The following ATP10B variants were observed in gnomAD, a reference collection of about 807,000 sequenced individuals.
The protein encoded by ATP10B is ATPase phospholipid transporting 10B (putative).
In ATP10B, 122 loss-of-function variants were observed where a neutral mutation model predicts 141.2. That is an observed-to-expected ratio of 0.86 (90% CI 0.75 to 1.00). ATP10B has a LOEUF of 1.00. ATP10B is among the 50% of genes least tolerant of loss of function. The probability of loss-of-function intolerance (pLI) is 0.00; values close to 1 mark genes in which losing one functional copy is unlikely to be tolerated. For missense variants in ATP10B, 1,876 were observed against 1,825.3 expected (o/e 1.03, Z -0.51); for synonymous variants, 685 against 692.0 (o/e 0.99, Z 0.16).
intron 7 of ATP10B, among the ~76,000 whole-genome samples, chr5:160,657,380 A>T (rs1761583940): frequency 2.6e-5 from 4 of 152,168 alleles, no homozygotes. Flanking sequence ...TCTTTTCAAG[A>T]TAACCCACAA....
At chr5:160,688,642 G>A in intron 4 of ATP10B, 118 bp downstream of exon 4, 1 of 474,644 alleles carries the variant, frequency 2.1e-6, no homozygotes, top group Non-Finnish European at 2.7e-6. Context: ...GGAACAAATT[G>A]GATAGTACAG....
At chr5:160,754,132 T>C (rs551691444) in intron 2 of ATP10B, among the ~76,000 whole-genome samples, 1 of 152,290 alleles carries the variant, frequency 6.6e-6, no homozygotes, top group South Asian at 2.1e-4. Context: ...GCAGGCAGCC[T>C]CTCAGGTATA....
the ATP10B span, among the ~76,000 whole-genome samples, chr5:160,916,474 T>C: frequency 1.3e-5 from 2 of 152,196 alleles, no homozygotes; most frequent in African/African-American, 4.8e-5. Flanking sequence ...GCCCCCTAAA[T>C]GTTAAGCACC....
chr5:160,896,777 G>A, the ATP10B span, among the ~76,000 whole-genome samples: 4 of 152,066 alleles, frequency 2.6e-5, no homozygotes, highest in South Asian at 2.1e-4. Context: ...GATGAACATC[G>A]ATGTGAAAAT....
chr5:160,892,682 C>T, the ATP10B span, among the ~76,000 whole-genome samples: 2 of 152,148 alleles, frequency 1.3e-5, no homozygotes, highest in Non-Finnish European at 2.9e-5. Context: ...TCCAAACTGT[C>T]TCCAGTTACT....
intron 3 of ATP10B, among the ~76,000 whole-genome samples, chr5:160,707,526 C>T (rs569888860): frequency 1.3e-5 from 2 of 152,308 alleles, no homozygotes; most frequent in African/African-American, 4.8e-5. Context: ...CTTTCCATAG[C>T]CATGAGACAA....
rs115610578 is a variant in ATP10B, at chr5:160,638,559, A to C, written c.1000+1902T>G. ...CTCCTTACAGCTGTGAGCCAGCCTCAAGTGGAGTGCTATTAGACATACCTG... is the reference window on the plus strand; with the variant it reads ...CTCCTTACAGCTGTGAGCCAGCCTCCAGTGGAGTGCTATTAGACATACCTG... On this transcript the variant is annotated intron_variant, in intron 10 of 25. Transcript: ENST00000327245. Among the ~76,000 whole-genome samples the C allele has an allele frequency of 1.9e-3, 292 of 152,132 alleles. 1 individual carries two copies. The highest frequency in any genetic ancestry group is 0.01 in the Middle Eastern group (3 of 294).
chr5:160,802,430 T>C (rs1350924734), intron 1 of ATP10B, among the ~76,000 whole-genome samples: 2 of 152,230 alleles, frequency 1.3e-5, no homozygotes, highest in Non-Finnish European at 2.9e-5. Flanking sequence ...CATTTGGCAA[T>C]GTCTAGAGGC....
At chr5:160,788,061 T>C (rs970304930) in intron 1 of ATP10B, among the ~76,000 whole-genome samples, 1 of 152,194 alleles carries the variant, frequency 6.6e-6, no homozygotes, top group Non-Finnish European at 1.5e-5. Context: ...CTTCACCACC[T>C]GTTTTATTTG....
intron 1 of ATP10B, among the ~76,000 whole-genome samples, chr5:160,794,422 A>C (rs1159453198): frequency 6.6e-6 from 1 of 152,188 alleles, no homozygotes; most frequent in Non-Finnish European, 1.5e-5. Context: ...TCCTCTGGCC[A>C]CAGTGATTGT....
intron 22 of ATP10B, among the ~76,000 whole-genome samples, chr5:160,595,283 G>C (rs1488715857): frequency 6.6e-6 from 1 of 152,012 alleles, no homozygotes; most frequent in African/African-American, 2.4e-5. Flanking sequence ...ACCTGCTCCT[G>C]AATGACTACT....
the ATP10B span, among the ~76,000 whole-genome samples, chr5:160,865,266 C>T: frequency 1.3e-5 from 2 of 151,938 alleles, no homozygotes; most frequent in South Asian, 2.1e-4. Context: ...CAGAAATAAA[C>T]CCAAATACTT....
intron 1 of ATP10B, among the ~76,000 whole-genome samples, chr5:160,796,148 T>C (rs1381205602): frequency 6.6e-6 from 1 of 152,190 alleles, no homozygotes; most frequent in East Asian, 1.9e-4. Context: ...ATGTATATCA[T>C]ACCACAAAGC....
chr5:160,927,194 A>G, the ATP10B span, among the ~76,000 whole-genome samples: 1 of 152,154 alleles, frequency 6.6e-6, no homozygotes, highest in Non-Finnish European at 1.5e-5. Flanking sequence ...AATGAATGAC[A>G]CCCAAAACAG....
intron 1 of ATP10B, among the ~76,000 whole-genome samples, chr5:160,794,153 G>A: frequency 6.6e-6 from 1 of 152,164 alleles, no homozygotes; most frequent in East Asian, 1.9e-4. Flanking sequence ...GAGCTAATAT[G>A]TCCTAGGAAC....
At chr5:160,567,866 A>G (rs1405944581) in intron 25 of ATP10B, among the ~76,000 whole-genome samples, 2 of 152,162 alleles carry the variant, frequency 1.3e-5, no homozygotes, top group African/African-American at 4.8e-5. Flanking sequence ...ATCCAATAGG[A>G]GACTACCGAA....
chr5:160,796,192 C>T (rs1771939213), intron 1 of ATP10B, among the ~76,000 whole-genome samples: 1 of 152,192 alleles, frequency 6.6e-6, no homozygotes, highest in African/African-American at 2.4e-5. Flanking sequence ...ATTCCATTCT[C>T]CATGGCCACC....
Position 160,667,182 on chromosome 5 carries a change from C to T in ATP10B, c.675+3281G>A, listed in dbSNP as rs976955839. On this transcript the variant is annotated intron_variant, in intron 7 of 25. Transcript: ENST00000327245. ...GCAGTGAGCAGAGATCGTGCCACTG[C>T]ACTCCAGCTTGGGCGACAGAGCAAG... is the stretch of plus-strand genomic sequence containing the variant. Among the ~76,000 whole-genome samples, 3 of 152,134 alleles carry T rather than the reference C, an allele frequency of 2.0e-5. No homozygotes were observed. The East Asian group carries it at 5.8e-4, about 29-fold the overall frequency.
At chr5:160,586,796 C>T (rs1755935691) in intron 24 of ATP10B, among the ~76,000 whole-genome samples, 1 of 147,340 alleles carries the variant, frequency 6.8e-6, no homozygotes, top group Non-Finnish European at 1.5e-5. Flanking sequence ...TGTTCATATC[C>T]TTTGCCCACT....
Sources: gnomAD v4.1 joint callset for allele counts (sites outside exome capture counted in the v4.1 genomes callset) on GRCh38, gnomAD v4.1.1 for gene constraint, MANE v1.5 for transcripts, NCBI Gene and HGNC (gene_info 2026-07-23, HGNC 2026-07-21) for gene names.